The following SCN9A variants were observed in gnomAD, a reference collection of about 807,000 sequenced individuals.
SCN9A encodes the protein sodium channel protein type 9 subunit alpha.
In SCN9A, 131 loss-of-function variants were observed where a neutral mutation model predicts 187.0. The ratio of observed to expected loss-of-function variants is 0.70; its 90% CI spans 0.61 to 0.81. SCN9A has a LOEUF of 0.81. Ranked by LOEUF, SCN9A falls within the 30% of genes least tolerant of loss-of-function variation. SCN9A has a pLI of 0.00. For synonymous variants in SCN9A, 809 were observed against 808.6 expected (o/e 1.00, Z -0.01); for missense variants, 2,252 against 2,396.6 (o/e 0.94, Z 1.26).
rs114415189 is a variant in SCN9A at position 166,220,266 on chromosome 2, A to G, written c.4398+6301T>C. On this transcript the variant is annotated intron_variant, in intron 24 of 26. Transcript: ENST00000642356. The stretch of plus-strand genomic sequence containing the variant: ...AAAGAAAACAAAAGCTAGGTATAGA[A>G]GTTGCTATAACTTGAAGGTTTGTCC... 9.0e-3 allele frequency among the ~76,000 whole-genome samples: 1,368 copies of G among 152,298 alleles called. 16 individuals carry two copies. The highest frequency in any genetic ancestry group is 0.031 in the African/African-American group (1,293 of 41,566).
chr2:166,248,757 C>T (rs1262565657), intron 18 of SCN9A, among the ~76,000 whole-genome samples: 2 of 152,120 alleles, frequency 1.3e-5, no homozygotes, highest in Non-Finnish European at 2.9e-5. Flanking sequence ...ACCTCTGCCT[C>T]CTGGATTCAA....
Position 166,306,970 on chromosome 2 carries a change from C to T in SCN9A, c.363G>A (p.Lys121=), listed in dbSNP as rs1252818338. ...TAAAAGGATATGAGTGTACTAAAAT[C>T]TTAATAGATATTCTTCTTAGAGGAC... is the stretch of plus-strand genomic sequence containing the variant. The part of the protein sequence containing the change: ...PFSPLRRISI[K]ILVHSLFSML... The change falls in exon 3 of 27, where the codon AAG becomes AAA. Residue 121 remains lysine (K), a synonymous_variant. Coordinates refer to ENST00000642356, the MANE Select transcript of SCN9A (RefSeq NM_001365536.1). 6.3e-7 allele frequency: 1 copy of T among 1,580,806 alleles called. No individual in the cohort carries two copies. Among genetic ancestry groups the T allele is most frequent in the Admixed American group, 1.7e-5 (1 of 59,754 alleles).
In SCN9A at chr2:166,233,453, C is replaced by A; in HGVS notation, c.3811G>T (p.Val1271Phe). 6.4e-7 allele frequency: 1 copy of A among 1,563,968 alleles called. No homozygotes were observed. The highest frequency in any genetic ancestry group is 2.2e-5 in the Admixed American group (1 of 46,038). ...LDFLIVDVSL[V>F]TLVANTLGYS... The stretch of plus-strand genomic sequence containing the variant: ...CCAAGAGTGTTTGCCACTAAAGTAA[C>A]CAAAGAAACCTATAAAAATAACATT... The change falls in exon 21 of 27, where the codon GTT becomes TTT. Residue 1271 changes from valine to phenylalanine, a missense_variant. Val to Phe is a conservative substitution (Grantham distance 50). Transcript: ENST00000642356.
At chr2:166,235,798 A>T (rs1475458133) in intron 20 of SCN9A, among the ~76,000 whole-genome samples, 1 of 152,140 alleles carries the variant, frequency 6.6e-6, no homozygotes, top group Non-Finnish European at 1.5e-5. Flanking sequence ...CGTTTCCAAA[A>T]TATTAAATAA....
chr2:166,213,681 C>A (rs185444017), intron 24 of SCN9A, among the ~76,000 whole-genome samples: 43 of 152,190 alleles, frequency 2.8e-4, no homozygotes, highest in African/African-American at 9.4e-4. Context: ...CAAAGCCAGA[C>A]AAAGACACTG....
At chr2:166,289,599 T>C (rs1697949749) in intron 9 of SCN9A, among the ~76,000 whole-genome samples, 1 of 152,166 alleles carries the variant, frequency 6.6e-6, no homozygotes, top group South Asian at 2.1e-4. Flanking sequence ...GGCATTTGGG[T>C]TGGTTCCCAG....
rs918673721 is a variant in SCN9A at position 166,284,453 on chromosome 2, G to A, written c.1974C>T (p.Ser658=). The A allele has an allele frequency of 6.8e-6, 11 of 1,608,410 alleles. No individual in the cohort carries two copies. Among genetic ancestry groups the A allele is most frequent in the Admixed American group, 1.7e-5 (1 of 59,244 alleles). The change falls in exon 12 of 27, where the codon AGC becomes AGT. Residue 658 remains serine, a splice_region_variant and synonymous_variant. Transcript: ENST00000642356. ...VIIDKATSDD[S]GTTNQIHKKR... is the part of the protein sequence containing the mutation. ...CCTGAGCTATGTAAAACGTCCTTAC[G>A]CTGTCATCAGAAGTTGCCTTATCTA...
At chr2:166,234,737 C>A (rs1239930683) in intron 20 of SCN9A, among the ~76,000 whole-genome samples, 1 of 152,082 alleles carries the variant, frequency 6.6e-6, no homozygotes, top group East Asian at 1.9e-4. Context: ...TATGCTCCCT[C>A]TTTAATCAGA....
At chr2:166,206,730 A>G (rs1285862347) in intron 24 of SCN9A, among the ~76,000 whole-genome samples, 1 of 152,226 alleles carries the variant, frequency 6.6e-6, no homozygotes, top group Non-Finnish European at 1.5e-5. Flanking sequence ...ATTTTAATAT[A>G]CCATTATTCC....
At chr2:166,347,271 T>C (rs1699922633) in intron 1 of SCN9A, among the ~76,000 whole-genome samples, 1 of 152,222 alleles carries the variant, frequency 6.6e-6, no homozygotes, top group Admixed American at 6.5e-5. Flanking sequence ...ATTCTGTTGT[T>C]TCCAATTACA....
Position 166,305,899 on chromosome 2 carries a change from A to G in SCN9A, c.489T>C (p.Tyr163=), listed in dbSNP as rs750060579. ...KNVEYTFTGI[Y]TFESLVKILA... ...GGATTTTTACAAGTGATTCAAAAGTATATATTCCAGTAAAAGTGTACCTAA... is the reference window on the plus strand; with the variant it reads ...GGATTTTTACAAGTGATTCAAAAGTGTATATTCCAGTAAAAGTGTACCTAA... Residue 163 remains tyrosine, a synonymous_variant, in exon 5 of 27, where the codon TAT becomes TAC. Coordinates refer to ENST00000642356, the MANE Select transcript of SCN9A (RefSeq NM_001365536.1). 5.0e-6 allele frequency: 8 copies of G among 1,613,188 alleles called. No individual in the cohort carries two copies. In the South Asian group the frequency reaches 8.8e-5, roughly 18 times the overall value.
At chr2:166,258,845 ATC>A (rs1696388198) in intron 17 of SCN9A, among the ~76,000 whole-genome samples, 1 of 151,722 alleles carries the variant, frequency 6.6e-6, no homozygotes, top group African/African-American at 2.4e-5. Flanking sequence ...TGTGATATAC[ATC>A]TCTCCATATT....
At chr2:166,226,282 A>G (rs922762719) in intron 24 of SCN9A, among the ~76,000 whole-genome samples, 1 of 152,162 alleles carries the variant, frequency 6.6e-6, no homozygotes, top group African/African-American at 2.4e-5. Flanking sequence ...AATCCTCTAT[A>G]GGAAACATTG....
chr2:166,306,773 C>A (rs1421299953), intron 3 of SCN9A, among the ~76,000 whole-genome samples, 174 bp from the exon 4 acceptor site: 1 of 152,124 alleles, frequency 6.6e-6, no homozygotes, highest in Non-Finnish European at 1.5e-5. Context: ...ATCCTAAAAT[C>A]TTAATATTGC....
At chr2:166,288,222 C>T (rs1697875301) in intron 10 of SCN9A, among the ~76,000 whole-genome samples, 1 of 151,052 alleles carries the variant, frequency 6.6e-6, no homozygotes, top group South Asian at 2.1e-4. Flanking sequence ...CCTTAGATCA[C>T]TTTTCATGCA....
chr2:166,305,853 C>T lies in SCN9A; in HGVS notation c.535G>A (p.Gly179Arg). ...GGGTCACGAAGAAAAGTGAATTCTC[C>T]TACACAGAAGCCTCTTGCAAGGATT... is the stretch of plus-strand genomic sequence containing the variant. ...VKILARGFCV[G>R]EFTFLRDPWN... is the part of the protein sequence containing the mutation. Residue 179 changes from glycine (G) to arginine (R), a missense_variant, in exon 5 of 27, where the codon GGA becomes AGA. Transcript: ENST00000642356. 6.2e-7 allele frequency: 1 copy of T among 1,613,314 alleles called. No homozygotes were observed. Among genetic ancestry groups the T allele is most frequent in the Admixed American group, 1.7e-5 (1 of 59,948 alleles).
chr2:166,346,602 T>C (rs565736915), intron 1 of SCN9A, among the ~76,000 whole-genome samples: 1 of 152,224 alleles, frequency 6.6e-6, no homozygotes, highest in African/African-American at 2.4e-5. Context: ...GTGAAAGATA[T>C]GGTTCAGCTG....
chr2:166,340,781 C>T (rs1433479171), intron 1 of SCN9A, among the ~76,000 whole-genome samples: 7 of 151,634 alleles, frequency 4.6e-5, no homozygotes, highest in Non-Finnish European at 8.8e-5. Context: ...CCACAACACC[C>T]GGCTAAGTTT....
intron 1 of SCN9A, among the ~76,000 whole-genome samples, chr2:166,331,984 A>G (rs983876524): frequency 6.6e-6 from 1 of 152,130 alleles, no homozygotes; most frequent in Non-Finnish European, 1.5e-5. Flanking sequence ...TGGTGATGGA[A>G]TTCAGAGCCT....
Sources: gnomAD v4.1 joint callset for allele counts (sites outside exome capture counted in the v4.1 genomes callset) on GRCh38, gnomAD v4.1.1 for gene constraint, MANE v1.5 for transcripts, NCBI Gene and HGNC (gene_info 2026-07-23, HGNC 2026-07-21) for gene names.